The following SPATA6 variants were observed in gnomAD, a reference collection of about 807,000 sequenced individuals.
SPATA6 encodes the protein spermatogenesis associated 6.
SPATA6 carries 56 observed loss-of-function variants against 65.3 expected under a neutral mutation model. The ratio of observed to expected loss-of-function variants is 0.86; its 90% CI spans 0.69 to 1.07. SPATA6 has a LOEUF of 1.07. Among genes scored for constraint, SPATA6 ranks in the 50% least tolerant of loss-of-function variants. SPATA6 has a pLI of 0.00. For missense variants in SPATA6, 590 were observed against 594.8 expected (o/e 0.99, Z 0.08); for synonymous variants, 199 against 213.2 (o/e 0.93, Z 0.58).
At chr1:48,471,445 A>G (rs1658238279) in intron 1 of SPATA6, among the ~76,000 whole-genome samples, 1 of 152,098 alleles carries the variant, frequency 6.6e-6, no homozygotes, top group Non-Finnish European at 1.5e-5. Flanking sequence ...CAGTTGTTGG[A>G]TGTGAAGATT....
At chr1:48,344,154 G>T (rs986295686) in intron 11 of SPATA6, 1 of 152,076 alleles carries the variant, frequency 6.6e-6, no homozygotes, top group African/African-American at 2.4e-5. Context: ...TGTTAAAAGT[G>T]TAAGTATGAA....
intron 1 of SPATA6, among the ~76,000 whole-genome samples, chr1:48,466,322 A>G (rs1557740175): frequency 6.6e-6 from 1 of 152,120 alleles, no homozygotes; most frequent in Admixed American, 6.5e-5. Context: ...AAAATCTCAA[A>G]AACAGTGAAT....
chr1:48,430,803 A>G lies in SPATA6; in HGVS notation c.239-17652T>C, dbSNP rs546951927. Among the ~76,000 whole-genome samples the G allele has an allele frequency of 2.6e-5, 4 of 152,292 alleles. No homozygotes were observed. The East Asian group carries it at 7.7e-4, about 29-fold the overall frequency. On this transcript the variant is annotated intron_variant, in intron 3 of 12. Coordinates refer to ENST00000371847, the MANE Select transcript of SPATA6 (RefSeq NM_019073.4). Reference sequence around the variant, plus strand: ...AAAAGGAAATGAGACAGAAACTTAAACAATTCATTACCAAAAATAGCAACT... The same window carrying G: ...AAAAGGAAATGAGACAGAAACTTAAGCAATTCATTACCAAAAATAGCAACT...
chr1:48,440,671 C>A (rs1323185699), intron 3 of SPATA6, among the ~76,000 whole-genome samples: 1 of 152,168 alleles, frequency 6.6e-6, no homozygotes, highest in African/African-American at 2.4e-5. Context: ...GAAGAAAATC[C>A]TTCTGCCTTC....
At chr1:48,365,278 G>T (rs924148332) in intron 9 of SPATA6, among the ~76,000 whole-genome samples, 10 of 152,128 alleles carry the variant, frequency 6.6e-5, no homozygotes, top group Non-Finnish European at 1.5e-4. Flanking sequence ...ACTTGGCGAT[G>T]CGGGCTCTTT....
chr1:48,450,482 G>T (rs1204327553), intron 3 of SPATA6, among the ~76,000 whole-genome samples: 1 of 152,032 alleles, frequency 6.6e-6, no homozygotes, highest in Non-Finnish European at 1.5e-5. Flanking sequence ...ATTTCAAAAT[G>T]AGAGAAATGT....
chr1:48,354,622 C>T (rs11205476), intron 11 of SPATA6, among the ~76,000 whole-genome samples: 64,771 of 151,866 alleles, frequency 0.43, 14,931 homozygotes, highest in African/African-American at 0.62. Flanking sequence ...ATTGCAAAAA[C>T]GCTTGAATTG....
intron 3 of SPATA6, among the ~76,000 whole-genome samples, chr1:48,434,259 GAAAAA>G (rs530291772): frequency 9.1e-6 from 1 of 109,896 alleles, no homozygotes; most frequent in Non-Finnish European, 1.8e-5. Context: ...AGCAGTGAAA[GAAAAA>G]AAAAAAAAAA....
At chr1:48,368,029 G>A (rs529413262) in intron 9 of SPATA6, among the ~76,000 whole-genome samples, 1 of 152,140 alleles carries the variant, frequency 6.6e-6, no homozygotes, top group Non-Finnish European at 1.5e-5. Flanking sequence ...TGTCTGTATA[G>A]TATTTTATTT....
intron 8 of SPATA6, among the ~76,000 whole-genome samples, chr1:48,388,788 A>G (rs1308626243): frequency 6.6e-6 from 1 of 152,008 alleles, no homozygotes; most frequent in East Asian, 1.9e-4. Context: ...GGCTCACTGC[A>G]ACCTCCGCCT....
At chr1:48,327,984 G>A (rs2148721369) in intron 11 of SPATA6, among the ~76,000 whole-genome samples, 2 of 152,076 alleles carry the variant, frequency 1.3e-5, no homozygotes, top group Admixed American at 1.3e-4. Flanking sequence ...ATTTTAAAAA[G>A]TTTTTTAAAA....
At chr1:48,438,067 C>T (rs922447397) in intron 3 of SPATA6, among the ~76,000 whole-genome samples, 14 of 152,064 alleles carry the variant, frequency 9.2e-5, no homozygotes, top group African/African-American at 3.1e-4. Flanking sequence ...CAGCCAGCAG[C>T]GGCAACCCGC....
intron 11 of SPATA6, among the ~76,000 whole-genome samples, chr1:48,349,639 G>T (rs1033435595): frequency 6.6e-6 from 1 of 151,784 alleles, no homozygotes; most frequent in South Asian, 2.1e-4. Flanking sequence ...TTCCCTGTCA[G>T]GCTGGTCTCT....
chr1:48,328,850 AT>A (rs1376372339), intron 11 of SPATA6, among the ~76,000 whole-genome samples: 3 of 152,200 alleles, frequency 2.0e-5, no homozygotes, highest in Non-Finnish European at 4.4e-5. Context: ...AGATACATCT[AT>A]TTTACAGATA....
chr1:48,277,115 T>C, the SPATA6 span, among the ~76,000 whole-genome samples: 3 of 149,536 alleles, frequency 2.0e-5, no homozygotes, highest in South Asian at 2.1e-4. Context: ...TTTTTTTTTG[T>C]ATTTTTTAGT....
chr1:48,401,245 C>T (rs920982194), intron 6 of SPATA6, among the ~76,000 whole-genome samples: 31 of 152,144 alleles, frequency 2.0e-4, no homozygotes, highest in African/African-American at 7.5e-4. Flanking sequence ...CCCAACTAAA[C>T]TCATAATCAT....
At chr1:48,426,503 T>A (rs536770351) in intron 3 of SPATA6, among the ~76,000 whole-genome samples, 13 of 151,966 alleles carry the variant, frequency 8.6e-5, no homozygotes, top group Non-Finnish European at 8.8e-5. Flanking sequence ...AGGAAAAAAA[T>A]GGACTAGCAA....
At chr1:48,273,753 T>C in the SPATA6 span, among the ~76,000 whole-genome samples, 26 of 152,312 alleles carry the variant, frequency 1.7e-4, no homozygotes, top group Non-Finnish European at 3.2e-4. Context: ...TTATGGGCAT[T>C]TGAGTTGGTT....
At chr1:48,329,555 T>C (rs1645855669) in intron 11 of SPATA6, among the ~76,000 whole-genome samples, 1 of 152,222 alleles carries the variant, frequency 6.6e-6, no homozygotes, top group South Asian at 2.1e-4. Context: ...GATACTTATA[T>C]GCTTATAAAT....
Sources: gnomAD v4.1 joint callset for allele counts (sites outside exome capture counted in the v4.1 genomes callset) on GRCh38, gnomAD v4.1.1 for gene constraint, MANE v1.5 for transcripts, NCBI Gene and HGNC (gene_info 2026-07-23, HGNC 2026-07-21) for gene names.